Variants in CDH15 observed in about 807,000 individuals in gnomAD.
CDH15 encodes the protein cadherin 15.
A neutral mutation model predicts 69.4 loss-of-function variants in CDH15; 73 were observed. The ratio of observed to expected loss-of-function variants is 1.05; its 90% CI spans 0.87 to 1.28. The LOEUF is 1.28. Among genes scored for constraint, CDH15 ranks in the 50% most tolerant of loss-of-function variants. The pLI is 0.00. For missense variants in CDH15, 1,343 were observed against 1,133.6 expected (o/e 1.18, Z -2.65); for synonymous variants, 624 against 507.7 (o/e 1.23, Z -3.08).
At chr16:89,174,828 C>T (rs1172289681) in intron 1 of CDH15, among the ~76,000 whole-genome samples, 1 of 152,154 alleles carries the variant, frequency 6.6e-6, no homozygotes, top group East Asian at 1.9e-4. Flanking sequence ...AAATCCACCT[C>T]CCAGGGTGCT....
intron 3 of CDH15, among the ~76,000 whole-genome samples, chr16:89,180,884 C>T (rs1227234169): frequency 6.6e-6 from 1 of 151,042 alleles, no homozygotes; most frequent in Non-Finnish European, 1.5e-5. Flanking sequence ...CCACCATGCC[C>T]GGCTAATTGT....
chr16:89,172,912 G>A (rs1309595717), intron 1 of CDH15, among the ~76,000 whole-genome samples: 1 of 152,144 alleles, frequency 6.6e-6, no homozygotes, highest in Admixed American at 6.5e-5. Flanking sequence ...GGTGGTCAGG[G>A]AGTGCTGGAC....
intron 10 of CDH15, 60 bp downstream of exon 10, chr16:89,191,954 C>T (rs1915656544): frequency 4.1e-6 from 6 of 1,456,132 alleles, no homozygotes; most frequent in South Asian, 1.3e-5. Context: ...CCCCACATTC[C>T]GGCCTCGGAC....
intron 5 of CDH15, among the ~76,000 whole-genome samples, chr16:89,187,181 G>C (rs1481053058): frequency 1.3e-5 from 2 of 152,258 alleles, no homozygotes; most frequent in African/African-American, 4.8e-5. Flanking sequence ...TAGGTGCTCT[G>C]TAAACGCTTA....
At chr16:89,183,515 C>T (rs773249864) in intron 3 of CDH15, 33 bp from the exon 4 acceptor site, 4 of 1,613,714 alleles carry the variant, frequency 2.5e-6, no homozygotes, top group Non-Finnish European at 3.4e-6. Context: ...ATTTGGGGGC[C>T]ACAGAGCCAG....
At chr16:89,177,918 G>C (rs1915293448) in intron 1 of CDH15, among the ~76,000 whole-genome samples, 1 of 152,080 alleles carries the variant, frequency 6.6e-6, no homozygotes, top group Non-Finnish European at 1.5e-5. Context: ...CAGGTGTCCT[G>C]GGGATCCCAG....
Position 89,195,120 on chromosome 16 carries a change from G to T in CDH15, c.2410G>T (p.Ala804Ser). ...HQAREGLSPG[A>S]LLPRHRGRTA is the part of the protein sequence containing the mutation. ...GGCCAGGGAGGGTCTTTCTCCTGGG[G>T]CACTGCTACCCAGACACAGAGGCCG... is the stretch of plus-strand genomic sequence containing the variant. Residue 804 changes from alanine (A) to serine (S), a missense_variant, in exon 14 of 14, where the codon GCA becomes TCA. Physicochemically the swap from Ala to Ser is moderately conservative, Grantham distance 99 (BLOSUM62 1). Transcript: ENST00000289746. 1 of 1,605,610 alleles carries T rather than the reference G, an allele frequency of 6.2e-7. No homozygotes were observed. Among genetic ancestry groups the T allele is most frequent in the Non-Finnish European group, 8.5e-7 (1 of 1,175,766 alleles).
At chr16:89,173,196 C>T (rs993995238) in intron 1 of CDH15, among the ~76,000 whole-genome samples, 4 of 152,204 alleles carry the variant, frequency 2.6e-5, no homozygotes, top group Admixed American at 1.3e-4. Context: ...AGCCCTCTGC[C>T]GGGGAGCGCA....
intron 13 of CDH15, among the ~76,000 whole-genome samples, chr16:89,194,393 A>G (rs1915742871): frequency 6.6e-6 from 1 of 152,194 alleles, no homozygotes; most frequent in African/African-American, 2.4e-5. Flanking sequence ...CCTGGCTCAG[A>G]GAAAGCCCCC....
In CDH15 at chr16:89,180,286, T is replaced by C; in HGVS notation, c.288T>C (p.Ser96=). Residue 96 remains serine (S), a synonymous_variant, in exon 3 of 14, where the codon TCT becomes TCC. Transcript: ENST00000289746. ...ATGAGGAGCCCCGGGGCGTCTTCTC[T>C]ATCGACAAGTTCACAGGGAAGGTCT... ...GVDEEPRGVF[S]IDKFTGKVFL... 6.2e-7 allele frequency: 1 copy of C among 1,611,594 alleles called. No individual in the cohort carries two copies. Among genetic ancestry groups the C allele is most frequent in the Non-Finnish European group, 8.5e-7 (1 of 1,179,078 alleles).
intron 2 of CDH15, 135 bp from the exon 3 acceptor site, chr16:89,180,065 A>C: frequency 1.1e-6 from 1 of 949,622 alleles, no homozygotes; most frequent in Non-Finnish European, 1.6e-6. Context: ...CTCATTGGGT[A>C]CCAGGATCCG....
Position 89,190,321 on chromosome 16 carries a change from C to A in CDH15, c.1057C>A (p.Leu353Ile). ...TGAGGCCCCGCTGCAGGCGGCTGCC[C>A]TTAGGGCTGAGCGGGGCCAGGCCAA... ...QNEAPLQAAA[L>I]RAERGQAKVR... Residue 353 changes from leucine to isoleucine, a missense_variant, in exon 8 of 14, where the codon CTT becomes ATT. Leu to Ile is a conservative substitution (Grantham distance 5). Transcript: ENST00000289746. 6.2e-7 allele frequency: 1 copy of A among 1,612,370 alleles called. No homozygotes were observed. Among genetic ancestry groups the A allele is most frequent in the South Asian group, 1.1e-5 (1 of 90,990 alleles).
chr16:89,184,211 A>C (rs1268648432), intron 4 of CDH15, among the ~76,000 whole-genome samples: 1 of 152,178 alleles, frequency 6.6e-6, no homozygotes, highest in African/African-American at 2.4e-5. Flanking sequence ...TTGGAGGCTC[A>C]TATCCCGCCT....
In CDH15 at chr16:89,171,864, G is replaced by A. The variant is rs1305497472; in HGVS notation, c.33G>A (p.Leu11=). 1.3e-6 allele frequency: 2 copies of A among 1,558,402 alleles called. No individual in the cohort carries two copies. The highest frequency in any genetic ancestry group is 1.4e-5 in the African/African-American group (1 of 73,846). ...CCGCGTTCCTCCTCGTCCTCGGGCT[G>A]TTGGCCCAGGTAAGGCATCGGCACC... MDAAFLLVLG[L]LAQSLCLSLG... Residue 11 remains leucine (L), a synonymous_variant, in exon 1 of 14, where the codon CTG becomes CTA. Transcript: ENST00000289746.
intron 3 of CDH15, among the ~76,000 whole-genome samples, chr16:89,181,170 T>C (rs1041679856): frequency 6.6e-6 from 1 of 152,036 alleles, no homozygotes; most frequent in Non-Finnish European, 1.5e-5. Context: ...GGTTTCACCA[T>C]GTTGGCCTCC....
chr16:89,175,457 C>T (rs1182214855), intron 1 of CDH15, among the ~76,000 whole-genome samples: 2 of 152,232 alleles, frequency 1.3e-5, no homozygotes, highest in African/African-American at 4.8e-5. Context: ...ACTCCTGGCT[C>T]TGTCTGTGTG....
intron 1 of CDH15, among the ~76,000 whole-genome samples, chr16:89,173,115 C>A (rs1323624631): frequency 6.6e-6 from 1 of 152,180 alleles, no homozygotes; most frequent in Admixed American, 6.5e-5. Flanking sequence ...CCCGACTCCC[C>A]CATCTGGAGA....
chr16:89,180,498 C>A, intron 3 of CDH15, 143 bp downstream of exon 3: 2 of 956,588 alleles, frequency 2.1e-6, no homozygotes, highest in East Asian at 2.6e-5. Context: ...AGTGAGGGGG[C>A]AGGTACAGGG....
At chr16:89,188,366 A>C in intron 7 of CDH15, 81 bp downstream of exon 7, 4 of 1,010,882 alleles carry the variant, frequency 4.0e-6, no homozygotes, top group Non-Finnish European at 6.1e-6. Flanking sequence ...AGATGCCGGC[A>C]CACACAGATG....
Sources: gnomAD v4.1 joint callset for allele counts (sites outside exome capture counted in the v4.1 genomes callset) on GRCh38, gnomAD v4.1.1 for gene constraint, MANE v1.5 for transcripts, NCBI Gene and HGNC (gene_info 2026-07-23, HGNC 2026-07-21) for gene names.